The following ZNF750 variants were observed in gnomAD, a reference collection of about 807,000 sequenced individuals.
ZNF750 encodes zinc finger protein 750.
In ZNF750, 10 loss-of-function variants were observed where a neutral mutation model predicts 31.6. The observed-to-expected ratio is 0.32, with a 90% CI of 0.19 to 0.54. The LOEUF (loss-of-function observed/expected upper bound fraction) is 0.54, where lower values mean the gene tolerates loss of function less well. Among genes scored for constraint, ZNF750 ranks in the 20% least tolerant of loss-of-function variants. The pLI, the probability that ZNF750 is intolerant of heterozygous loss-of-function variation, is 0.95. For missense variants in ZNF750, 914 were observed against 934.9 expected, an observed-to-expected ratio of 0.98 and a Z score of 0.29; for synonymous variants, 400 against 404.9, an observed-to-expected ratio of 0.99 and a Z score of 0.15.
rs1006941268 is a variant in ZNF750, at chr17:82,831,087, C to T, written c.1368G>A (p.Arg456=). 1.9e-6 allele frequency: 3 copies of T among 1,614,128 alleles called. No homozygotes were observed. Among genetic ancestry groups the T allele is most frequent in the South Asian group, 2.2e-5 (2 of 91,080 alleles). Residue 456 remains arginine, a synonymous_variant, in exon 2 of 3, where the codon AGG becomes AGA. Coordinates refer to ENST00000269394, the MANE Select transcript of ZNF750 (RefSeq NM_024702.3). The surrounding 1 kb of genome is among the most constrained non-coding windows in gnomAD (Gnocchi z 4.6). The part of the protein sequence containing the change: ...YPPEQSLTAF[R]PVKKSTECLP... The stretch of plus-strand genomic sequence containing the variant: ...GGCATTCTGTGCTTTTCTTAACAGG[C>T]CTGAAGGCTGTGAGGCTTTGCTCTG...
At position 82,830,173 on chromosome 17, in the gene ZNF750, A is replaced by G; in HGVS notation, c.2141T>C (p.Phe714Ser). 6.2e-7 allele frequency: 1 copy of G among 1,614,192 alleles called. No homozygotes were observed. Among genetic ancestry groups the G allele is most frequent in the East Asian group, 2.2e-5 (1 of 44,890 alleles). ...CACCCGGGCCCTCCTTCGTAGTGTG[A>G]ACACTCTGGCCGTGTCCTGCAGCTT... ...KAKLQDTARV[F>S]TLRRRARVS The change falls in exon 3 of 3, where the codon TTC (phenylalanine) becomes TCC (serine). Residue 714 changes from phenylalanine to serine, a missense_variant. Phe to Ser is a radical substitution (Grantham distance 155). This residue lies in a region of ZNF750 where 880 missense variants were observed against 868.9 expected (regional missense o/e 1.01). Transcript: ENST00000269394.
At chr17:82,834,215 T>G (rs2053771211) in intron 1 of ZNF750, among the ~76,000 whole-genome samples, 1 of 152,156 alleles carries the variant, frequency 6.6e-6, no homozygotes, top group African/African-American at 2.4e-5. Flanking sequence ...CCCAAAGTGC[T>G]GGGATTAGAG....
At chr17:82,830,980 A>G (rs1188325455) in intron 2 of ZNF750, 39 bp downstream of exon 2, 1 of 1,613,528 alleles carries the variant, frequency 6.2e-7, no homozygotes, top group Non-Finnish European at 8.5e-7. Flanking sequence ...CCCAACCAGA[A>G]ACATTCCCTT....
rs1035059602 is a variant in ZNF750, at chr17:82,835,025, C to T, written c.-182-2389G>A. On this transcript the variant is annotated intron_variant, in intron 1 of 2. Transcript: ENST00000269394. The surrounding 1 kb of genome is among the most constrained non-coding windows in gnomAD (Gnocchi z 4.5). ...CTGCAGGGAGCTGTCATCCCACCAC[C>T]GCACTGCAGCCTGGTGGGCAACAGA... Among the ~76,000 whole-genome samples the T allele has an allele frequency of 1.8e-4, 27 of 152,138 alleles. No homozygotes were observed. Among genetic ancestry groups the T allele is most frequent in the East Asian group, 1.9e-4 (1 of 5,172 alleles).
intron 1 of ZNF750, among the ~76,000 whole-genome samples, chr17:82,837,664 C>A (rs1248302514): frequency 2.6e-5 from 4 of 152,180 alleles, no homozygotes; most frequent in Non-Finnish European, 5.9e-5. Flanking sequence ...TTTCATCCTC[C>A]TCTCATTTCC....
Position 82,831,841 on chromosome 17 carries a change from T to G in ZNF750, c.614A>C (p.Tyr205Ser). ...GAAAGGTGAGCCGGCTTTCCAGGGGTAGCCAGGAGTGTGGAAGGCCGACTT... is the reference window on the plus strand; with the variant it reads ...GAAAGGTGAGCCGGCTTTCCAGGGGGAGCCAGGAGTGTGGAAGGCCGACTT... Reference protein sequence around the residue: ...HTKSAFHTPGYPWKAGSPFLP... With the variant: ...HTKSAFHTPGSPWKAGSPFLP... Residue 205 changes from tyrosine (Y) to serine (S), a missense_variant, in exon 2 of 3, where the codon TAC (tyrosine) becomes TCC (serine). Physicochemically the swap from Tyr to Ser is moderately radical, Grantham distance 144. Around this residue, in one of 2 missense-constraint regions of ZNF750, gnomAD observed 880 missense variants for 868.9 expected, o/e 1.01. Transcript: ENST00000269394. The surrounding 1 kb of genome is among the most constrained non-coding windows in gnomAD (Gnocchi z 4.6). 6.2e-7 allele frequency: 1 copy of G among 1,613,992 alleles called. No individual in the cohort carries two copies. Among genetic ancestry groups the G allele is most frequent in the Non-Finnish European group, 8.5e-7 (1 of 1,179,972 alleles).
At chr17:82,836,190 A>G (rs916622513) in intron 1 of ZNF750, among the ~76,000 whole-genome samples, 2 of 152,364 alleles carry the variant, frequency 1.3e-5, no homozygotes, top group South Asian at 2.1e-4. Flanking sequence ...GCCTCCCTTC[A>G]GGAAGTAGAG....
In ZNF750 at chr17:82,831,095, C is replaced by G; in HGVS notation, c.1360G>C (p.Ala454Pro). 2 of 1,614,188 alleles carry G rather than the reference C, an allele frequency of 1.2e-6. No individual in the cohort carries two copies. The highest frequency in any genetic ancestry group is 1.1e-5 in the South Asian group (1 of 91,086). The stretch of plus-strand genomic sequence containing the variant: ...GTGCTTTTCTTAACAGGCCTGAAGG[C>G]TGTGAGGCTTTGCTCTGGCGGGTAG... ...RLYPPEQSLT[A>P]FRPVKKSTEC... is the part of the protein sequence containing the mutation. Residue 454 changes from alanine to proline, a missense_variant, in exon 2 of 3, where the codon GCC becomes CCC. Transcript: ENST00000269394. The surrounding 1 kb of genome is among the most constrained non-coding windows in gnomAD (Gnocchi z 4.6).
At position 82,832,918 on chromosome 17, in the gene ZNF750, C is replaced by G. The variant is rs2053646451; in HGVS notation, c.-182-282G>C. Among the ~76,000 whole-genome samples the G allele has an allele frequency of 6.6e-6, 1 of 152,196 alleles. No homozygotes were observed. The highest frequency in any genetic ancestry group is 2.4e-5 in the African/African-American group (1 of 41,450). On this transcript the variant is annotated intron_variant, in intron 1 of 2. Coordinates refer to ENST00000269394, the MANE Select transcript of ZNF750 (RefSeq NM_024702.3). This position sits in a 1 kb window ranked among gnomAD's most constrained non-coding sequence, Gnocchi z 4.9. ...GTGTGGTGTGTGGTGCGTTGAGTGT[C>G]TGTTCTGAGAATGCCTGTAAGCCTT...
At chr17:82,839,149 TA>T (rs2054242905) in intron 1 of ZNF750, among the ~76,000 whole-genome samples, 1 of 152,236 alleles carries the variant, frequency 6.6e-6, no homozygotes, top group South Asian at 2.1e-4. Flanking sequence ...GTACTTATTT[TA>T]AACTTTAAAA....
Position 82,831,929 on chromosome 17 carries a change from C to T in ZNF750, c.526G>A (p.Ala176Thr), listed in dbSNP as rs774173103. Residue 176 changes from alanine (A) to threonine (T), a missense_variant, in exon 2 of 3, where the codon GCC becomes ACC. Ala to Thr is a moderately conservative substitution (Grantham distance 58). Coordinates refer to ENST00000269394, the MANE Select transcript of ZNF750 (RefSeq NM_024702.3). The surrounding 1 kb of genome is among the most constrained non-coding windows in gnomAD (Gnocchi z 4.6). The part of the protein sequence containing the change: ...GEHRLKGPDN[A>T]EAPETLALHN... ...AAAGCCAGTGTCTCGGGCGCCTCGG[C>T]GTTGTCTGGCCCCTTGAGTCTGTGC... 33 of 1,614,046 alleles carry T rather than the reference C, an allele frequency of 2.0e-5. No individual in the cohort carries two copies. Among genetic ancestry groups the T allele is most frequent in the Middle Eastern group, 1.6e-4 (1 of 6,084 alleles).
In ZNF750 at chr17:82,833,837, C is replaced by T. The variant is rs2145309839; in HGVS notation, c.-182-1201G>A. Among the ~76,000 whole-genome samples, 1 of 152,348 alleles carries T rather than the reference C, an allele frequency of 6.6e-6. No individual in the cohort carries two copies. The highest frequency in any genetic ancestry group is 2.1e-4 in the South Asian group (1 of 4,822). The stretch of plus-strand genomic sequence containing the variant: ...CCACCAGAGGCTGTGTGTGTGATGT[C>T]AGAGCTGGCCTGCTCTTTTGGATTC... On this transcript the variant is annotated intron_variant, in intron 1 of 2. Transcript: ENST00000269394. The surrounding 1 kb of genome is among the most constrained non-coding windows in gnomAD (Gnocchi z 4.7).
intron 1 of ZNF750, among the ~76,000 whole-genome samples, chr17:82,836,338 A>G (rs552842376): frequency 1.3e-5 from 2 of 152,338 alleles, no homozygotes; most frequent in East Asian, 3.9e-4. Context: ...ATTGTATAGG[A>G]TGTGTTACGG....
rs2053913852 is a variant in ZNF750 at position 82,835,729 on chromosome 17, T to G, written c.-182-3093A>C. ...CATGAGCCACCGTGCCTGGCTCATT[T>G]ATTTATAATTCTTAAAAACACAACC... On this transcript the variant is annotated intron_variant, in intron 1 of 2. Transcript: ENST00000269394. This position sits in a 1 kb window ranked among gnomAD's most constrained non-coding sequence, Gnocchi z 4.5. 6.6e-6 allele frequency among the ~76,000 whole-genome samples: 1 copy of G among 152,208 alleles called. No individual in the cohort carries two copies. The highest frequency in any genetic ancestry group is 6.5e-5 in the Admixed American group (1 of 15,288).
rs139335282 is a variant in ZNF750, at chr17:82,830,692, G to T, written c.1622C>A (p.Ala541Asp). Residue 541 changes from alanine (A) to aspartate (D), a missense_variant, in exon 3 of 3, where the codon GCC (alanine) becomes GAC (aspartate). This residue lies in a region of ZNF750 where 880 missense variants were observed against 868.9 expected (regional missense o/e 1.01). Coordinates refer to ENST00000269394, the MANE Select transcript of ZNF750 (RefSeq NM_024702.3). ...AAGGTCCTGCAGCTCTGAGAAGCTG[G>T]CGGTTTCCGCCTGGGGGCTGCCTTG... ...TYQGSPQAET[A>D]SFSELQDLPL... The T allele has an allele frequency of 1.9e-6, 3 of 1,614,038 alleles. No homozygotes were observed. In the African/African-American group the frequency reaches 4.0e-5, roughly 22 times the overall value.
chr17:82,836,950 T>G (rs1345804314), intron 1 of ZNF750, among the ~76,000 whole-genome samples: 1 of 152,154 alleles, frequency 6.6e-6, no homozygotes, highest in Admixed American at 6.5e-5. Context: ...GTGAGAGTGT[T>G]TGGAGCTCAA....
chr17:82,831,891 A>C lies in ZNF750; in HGVS notation c.564T>G (p.Thr188=). 6.2e-7 allele frequency: 1 copy of C among 1,614,026 alleles called. No homozygotes were observed. Among genetic ancestry groups the C allele is most frequent in the Non-Finnish European group, 8.5e-7 (1 of 1,179,970 alleles). The part of the protein sequence containing the change: ...APETLALHNP[T]AKAVSFHTKS... ...TGGTGTGGAAAGACACGGCCTTGGC[A>C]GTGGGGTTGTGTAAAGCCAGTGTCT... Residue 188 remains threonine, a synonymous_variant, in exon 2 of 3, where the codon ACT becomes ACG. Coordinates refer to ENST00000269394, the MANE Select transcript of ZNF750 (RefSeq NM_024702.3). The surrounding 1 kb of genome is among the most constrained non-coding windows in gnomAD (Gnocchi z 4.6).
At position 82,831,621 on chromosome 17, in the gene ZNF750, G is replaced by A; in HGVS notation, c.834C>T (p.Thr278=). 3.7e-6 allele frequency: 6 copies of A among 1,614,152 alleles called. No individual in the cohort carries two copies. The highest frequency in any genetic ancestry group is 5.1e-6 in the Non-Finnish European group (6 of 1,180,018). The stretch of plus-strand genomic sequence containing the variant: ...GAGGCAGGAAGTGTCTCGGGTCTTG[G>A]GTTCCGTAGACTGACAGCAGGGGTG... The part of the protein sequence containing the change: ...CDAPLLSVYG[T]QDPRHFLPHP... The change falls in exon 2 of 3, where the codon ACC becomes ACT. Residue 278 remains threonine, a synonymous_variant. Transcript: ENST00000269394. The surrounding 1 kb of genome is among the most constrained non-coding windows in gnomAD (Gnocchi z 4.6).
Position 82,832,726 on chromosome 17 carries a change from T to A in ZNF750, c.-182-90A>T, listed in dbSNP as rs1219264721. 2 of 521,984 alleles carry A rather than the reference T, an allele frequency of 3.8e-6. No homozygotes were observed. Among genetic ancestry groups the A allele is most frequent in the Admixed American group, 3.2e-5 (1 of 31,286 alleles). The allele number at this position is 521,984 out of a possible 1,614,324, so 32.3% of individuals were successfully genotyped here. A position where few individuals can be genotyped will look rare whatever the true frequency, so the allele number is the denominator to read the frequency against. On this transcript the variant is annotated intron_variant, in intron 1 of 2. Transcript: ENST00000269394. This position sits in a 1 kb window ranked among gnomAD's most constrained non-coding sequence, Gnocchi z 4.9. ...GCTCGCCACAGTGCCACAGGATCCC[T>A]GAAGCAGAACCCCTGAAGGGCTGAA...
Sources: gnomAD v4.1 joint callset for allele counts (sites outside exome capture counted in the v4.1 genomes callset) on GRCh38, gnomAD v4.1.1 for gene constraint, gnomAD v4.1.1 regional missense constraint, Gnocchi (gnomAD v3.1) non-coding constraint, MANE v1.5 for transcripts, NCBI Gene and HGNC (gene_info 2026-07-23, HGNC 2026-07-21) for gene names.